The following CSMD1 variants were observed in gnomAD, a reference collection of about 807,000 sequenced individuals.
CSMD1 encodes the protein CUB and Sushi multiple domains 1.
In CSMD1, 213 loss-of-function variants were observed where a neutral mutation model predicts 417.5. The observed-to-expected ratio is 0.51, with a 90% CI of 0.46 to 0.57. The LOEUF (loss-of-function observed/expected upper bound fraction) is 0.57. Ranked by LOEUF, CSMD1 falls within the 20% of genes least tolerant of loss-of-function variation. The pLI is 0.00. For synonymous variants in CSMD1, 2,862 were observed against 1,736.8 expected (o/e 1.65, Z -16.11); for missense variants, 6,923 against 4,529.7 (o/e 1.53, Z -15.17).
intron 3 of CSMD1, among the ~76,000 whole-genome samples, chr8:4,224,047 G>T (rs1394481): frequency 7.2e-5 from 11 of 151,994 alleles, no homozygotes; most frequent in African/African-American, 2.7e-4. Flanking sequence ...ACATGCATAC[G>T]TAACCCTACT....
At chr8:3,963,658 C>A (rs763021289) in intron 5 of CSMD1, among the ~76,000 whole-genome samples, 35 of 152,048 alleles carry the variant, frequency 2.3e-4, no homozygotes, top group Non-Finnish European at 4.9e-4. Flanking sequence ...AAGCTATGTG[C>A]GTATGATTTT....
intron 69 of CSMD1, 121 bp downstream of exon 69, chr8:2,942,351 A>C (rs1247844547): frequency 1.1e-6 from 1 of 930,846 alleles, no homozygotes; most frequent in Non-Finnish European, 1.5e-6. Context: ...TTAAAAAAAA[A>C]AAAAGAACAT....
chr8:4,170,365 T>G (rs1237326541), intron 3 of CSMD1, among the ~76,000 whole-genome samples: 2 of 151,930 alleles, frequency 1.3e-5, no homozygotes, highest in African/African-American at 4.9e-5. Context: ...ATTCGGATAA[T>G]TTATGAAAAA....
chr8:4,448,111 C>G (rs1257345461), intron 2 of CSMD1, among the ~76,000 whole-genome samples: 2 of 152,200 alleles, frequency 1.3e-5, no homozygotes, highest in Non-Finnish European at 1.5e-5. Flanking sequence ...TGTTCTTGAT[C>G]TCTTCCTAGT....
chr8:4,319,011 C>G (rs1799105101), intron 3 of CSMD1, among the ~76,000 whole-genome samples: 1 of 152,134 alleles, frequency 6.6e-6, no homozygotes, highest in Non-Finnish European at 1.5e-5. Flanking sequence ...GGCCTTAAGT[C>G]TAACAAAGCG....
chr8:4,005,146 G>C (rs1816008000), intron 4 of CSMD1, among the ~76,000 whole-genome samples: 1 of 152,096 alleles, frequency 6.6e-6, no homozygotes, highest in African/African-American at 2.4e-5. Flanking sequence ...GGGAAGAGTG[G>C]GAGTGGGGAA....
intron 3 of CSMD1, among the ~76,000 whole-genome samples, chr8:4,239,358 C>CA (rs1802252577): frequency 6.6e-6 from 1 of 152,184 alleles, no homozygotes; most frequent in Non-Finnish European, 1.5e-5. Context: ...GTGGAACTGC[C>CA]AATGAAGCTG....
At chr8:3,868,609 C>T (rs937354099) in intron 5 of CSMD1, among the ~76,000 whole-genome samples, 1 of 152,258 alleles carries the variant, frequency 6.6e-6, no homozygotes, top group East Asian at 1.9e-4. Context: ...CAATAGGACC[C>T]GAACCTCACA....
At chr8:3,065,720 T>C (rs1269506764) in intron 49 of CSMD1, among the ~76,000 whole-genome samples, 2 of 152,082 alleles carry the variant, frequency 1.3e-5, no homozygotes, top group Non-Finnish European at 2.9e-5. Flanking sequence ...AGATAGGAGA[T>C]AGCCTACAAA....
At chr8:4,810,732 T>C (rs1251341511) in intron 1 of CSMD1, among the ~76,000 whole-genome samples, 1 of 152,238 alleles carries the variant, frequency 6.6e-6, no homozygotes, top group Non-Finnish European at 1.5e-5. Context: ...AATTCATATG[T>C]AACAATATAT....
chr8:3,182,421 G>C (rs1044657857), intron 36 of CSMD1, among the ~76,000 whole-genome samples: 2 of 152,048 alleles, frequency 1.3e-5, no homozygotes, highest in Admixed American at 6.5e-5. Flanking sequence ...CACCATGTTG[G>C]CCAGGCTGGT....
chr8:3,309,678 C>G (rs557089323), intron 23 of CSMD1, among the ~76,000 whole-genome samples: 8 of 152,268 alleles, frequency 5.3e-5, no homozygotes, highest in African/African-American at 1.9e-4. Context: ...TCTATTTCCA[C>G]CAAACTTTGA....
rs541892296 is a variant in CSMD1, at chr8:4,707,422, CAT to C, written c.86-69866_86-69865del. Among the ~76,000 whole-genome samples, 227 of 152,252 alleles carry C rather than the reference CAT, an allele frequency of 1.5e-3. 2 individuals carry two copies. The highest frequency in any genetic ancestry group is 5.4e-3 in the African/African-American group (224 of 41,562). On this transcript the variant is annotated intron_variant, in intron 1 of 69. Transcript: ENST00000635120. ...CTGGGAAACAAAGACAAGATGATCA[CAT>C]AGTGCAGGAATGCTGATGGTGGAAG...
At chr8:4,869,223 T>G (rs1056559754) in intron 1 of CSMD1, among the ~76,000 whole-genome samples, 1 of 152,012 alleles carries the variant, frequency 6.6e-6, no homozygotes, top group Non-Finnish European at 1.5e-5. Flanking sequence ...TATTTTCCCA[T>G]AGAAAAGCAT....
intron 3 of CSMD1, among the ~76,000 whole-genome samples, chr8:4,227,427 T>A (rs775769416): frequency 6.6e-6 from 1 of 152,098 alleles, no homozygotes; most frequent in African/African-American, 2.4e-5. Flanking sequence ...ATAAGAACCC[T>A]ATGGTCAAAG....
intron 3 of CSMD1, among the ~76,000 whole-genome samples, chr8:4,382,700 A>T (rs1803182079): frequency 6.6e-6 from 1 of 151,928 alleles, no homozygotes; most frequent in Admixed American, 6.6e-5. Context: ...GATACATTTG[A>T]ATTTACTGGC....
intron 10 of CSMD1, among the ~76,000 whole-genome samples, chr8:3,555,895 G>T (rs554265022): frequency 2.6e-5 from 4 of 152,116 alleles, no homozygotes; most frequent in African/African-American, 9.7e-5. Flanking sequence ...GGTTCCAGAA[G>T]TCAGTCAAAT....
intron 2 of CSMD1, among the ~76,000 whole-genome samples, chr8:4,465,094 C>T (rs555314775): frequency 1.3e-5 from 2 of 152,248 alleles, no homozygotes; most frequent in South Asian, 4.2e-4. Flanking sequence ...GAACGGTTTT[C>T]ACTGGGAGAC....
chr8:3,671,586 T>TC (rs1799067260), intron 7 of CSMD1, among the ~76,000 whole-genome samples: 2 of 113,844 alleles, frequency 1.8e-5, no homozygotes, highest in Admixed American at 9.3e-5. Context: ...TATATATATA[T>TC]ATATATATGA....
Sources: gnomAD v4.1 joint callset for allele counts (sites outside exome capture counted in the v4.1 genomes callset) on GRCh38, gnomAD v4.1.1 for gene constraint, MANE v1.5 for transcripts, NCBI Gene and HGNC (gene_info 2026-07-23, HGNC 2026-07-21) for gene names.